The following PYGM variants were observed in gnomAD, a reference collection of about 807,000 sequenced individuals.
The protein encoded by PYGM is glycogen phosphorylase, muscle form.
In PYGM, 81 loss-of-function variants were observed where a neutral mutation model predicts 99.3. The observed-to-expected ratio is 0.82, with a 90% CI of 0.68 to 0.98. The LOEUF (loss-of-function observed/expected upper bound fraction) is 0.98, where lower values mean the gene tolerates loss of function less well. Ranked by LOEUF, PYGM falls within the 50% of genes least tolerant of loss-of-function variation. The pLI is 0.00. For missense variants in PYGM, 1,030 were observed against 1,158.1 expected (o/e 0.89, Z 1.61); for synonymous variants, 436 against 451.5 (o/e 0.97, Z 0.44).
intron 4 of PYGM, 74 bp from the exon 5 acceptor site, chr11:64,757,984 G>A: frequency 6.3e-7 from 1 of 1,596,334 alleles, no homozygotes; most frequent in South Asian, 1.1e-5. Context: ...GTGGGGCAGG[G>A]TGGGGGCCGT....
chr11:64,760,145 T>G, upstream of PYGM: 1 of 573,366 alleles, frequency 1.7e-6, no homozygotes, highest in Non-Finnish European at 3.0e-6. Flanking sequence ...AAGACTGGCC[T>G]GGCTTGTTCA....
At chr11:64,749,494 T>A (rs907285315) in intron 17 of PYGM, among the ~76,000 whole-genome samples, 8 of 151,492 alleles carry the variant, frequency 5.3e-5, no homozygotes, top group South Asian at 2.1e-4. Context: ...TGCAAAAAAT[T>A]AGCCAGGCGT....
At chr11:64,756,549 C>T (rs2058395579) in intron 5 of PYGM, among the ~76,000 whole-genome samples, 1 of 152,194 alleles carries the variant, frequency 6.6e-6, no homozygotes, top group Admixed American at 6.5e-5. Flanking sequence ...CTCCTGGATT[C>T]AAGCGATTCT....
Position 64,755,390 on chromosome 11 carries a change from C to A in PYGM, c.773-35G>T. On this transcript the variant is annotated intron_variant, in intron 6 of 19. Coordinates refer to ENST00000164139, the MANE Select transcript of PYGM (RefSeq NM_005609.4). This position sits in a 1 kb window ranked among gnomAD's most constrained non-coding sequence, Gnocchi z 4.1. ...AAAAGTGGGGACAGGGTAAGGCCTG[C>A]GCTGGGCGTGGCCGGCGGGCAAGCT... is the stretch of plus-strand genomic sequence containing the variant. 5.0e-6 allele frequency: 8 copies of A among 1,612,610 alleles called. No homozygotes were observed. The highest frequency in any genetic ancestry group is 5.9e-6 in the Non-Finnish European group (7 of 1,178,590).
Position 64,746,449 on chromosome 11 carries a change from T to G in PYGM, c.*210A>C. The G allele has an allele frequency of 1.5e-6, 1 of 652,246 alleles. No homozygotes were observed. Among genetic ancestry groups the G allele is most frequent in the Non-Finnish European group, 2.6e-6 (1 of 377,958 alleles). 40.4% of individuals were successfully genotyped at this position (652,246 alleles called of 1,614,324 possible). A position where few individuals can be genotyped will look rare whatever the true frequency, so the allele number is the denominator to read the frequency against. ...AGTGGGTGCAGTTGGTCAGACCCCA[T>G]AAATAGGAGGGGACCGGGAGCCCGA... On this transcript the variant is annotated 3_prime_UTR_variant, in exon 20 of 20. Transcript: ENST00000164139.
Position 64,758,658 on chromosome 11 carries a change from T to C in PYGM, c.290A>G (p.Gln97Arg). ...SLEFYMGRTL[Q>R]NTMVNLALEN... is the part of the protein sequence containing the mutation. ...TAAGGCCAGGTTCACCATGGTGTTC[T>C]GTAGCGTCCGTCCCATATAGAACTC... Residue 97 changes from glutamine to arginine, a missense_variant, in exon 2 of 20, where the codon CAG becomes CGG. Transcript: ENST00000164139. 1 of 1,613,554 alleles carries C rather than the reference T, an allele frequency of 6.2e-7. No individual in the cohort carries two copies. The highest frequency in any genetic ancestry group is 8.5e-7 in the Non-Finnish European group (1 of 1,179,492).
chr11:64,752,136 A>G, intron 13 of PYGM, 65 bp from the exon 14 acceptor site: 1 of 1,608,332 alleles, frequency 6.2e-7, no homozygotes, highest in Non-Finnish European at 8.5e-7. Context: ...TACAGTCCAC[A>G]CTCCAGTCAG....
intron 15 of PYGM, 32 bp downstream of exon 15, chr11:64,751,564 AC>A: frequency 6.2e-7 from 1 of 1,614,026 alleles, no homozygotes; most frequent in Non-Finnish European, 8.5e-7. Context: ...ATATCAAAGG[AC>A]GGGAGCCCAG....
chr11:64,749,854 G>A (rs474006), intron 17 of PYGM, among the ~76,000 whole-genome samples: 24 of 146,496 alleles, frequency 1.6e-4, no homozygotes, highest in Non-Finnish European at 2.8e-4. Flanking sequence ...GCGCAGTGGC[G>A]CGATCTCGGC....
chr11:64,758,984 G>A (rs1032562526), intron 1 of PYGM, among the ~76,000 whole-genome samples: 1 of 774 alleles, frequency 1.3e-3, no homozygotes, highest in South Asian at 0.25. Flanking sequence ...GTACTCGGGA[G>A]AATGGGCACC....
Position 64,758,702 on chromosome 11 carries a change from C to A in PYGM, c.246G>T (p.Arg82Ser). 1 of 1,601,664 alleles carries A rather than the reference C, an allele frequency of 6.2e-7. No individual in the cohort carries two copies. Among genetic ancestry groups the A allele is most frequent in the Non-Finnish European group, 8.6e-7 (1 of 1,168,824 alleles). Residue 82 changes from arginine (R) to serine (S), a missense_variant and splice_region_variant, in exon 2 of 20, where the codon AGG becomes AGT. By Grantham distance (110) the Arg-to-Ser change is moderately radical (BLOSUM62 -1). Transcript: ENST00000164139. ...QQHYYEKDPK[R>S]IYYLSLEFYM... ...AGAACTCTAAAGACAGGTAGTAGATCCTCTGCCCAGAGAGACGGATGGGCA... is the reference window on the plus strand; with the variant it reads ...AGAACTCTAAAGACAGGTAGTAGATACTCTGCCCAGAGAGACGGATGGGCA...
In PYGM at chr11:64,758,702, C is replaced by T; in HGVS notation, c.246G>A (p.Arg82=). The T allele has an allele frequency of 6.2e-7, 1 of 1,601,664 alleles. No homozygotes were observed. The highest frequency in any genetic ancestry group is 8.6e-7 in the Non-Finnish European group (1 of 1,168,824). Residue 82 remains arginine, a splice_region_variant and synonymous_variant, in exon 2 of 20, where the codon AGG becomes AGA. Transcript: ENST00000164139. ...AGAACTCTAAAGACAGGTAGTAGAT[C>T]CTCTGCCCAGAGAGACGGATGGGCA... is the stretch of plus-strand genomic sequence containing the variant. The part of the protein sequence containing the change: ...QQHYYEKDPK[R]IYYLSLEFYM...
intron 17 of PYGM, among the ~76,000 whole-genome samples, chr11:64,749,736 C>G (rs2058340580): frequency 6.6e-6 from 1 of 152,072 alleles, no homozygotes; most frequent in African/African-American, 2.4e-5. Context: ...GACCATAGGC[C>G]CCTTGTAACT....
At position 64,753,519 on chromosome 11, in the gene PYGM, A is replaced by T; in HGVS notation, c.1403T>A (p.Ile468Asn). 6.3e-7 allele frequency: 1 copy of T among 1,588,074 alleles called. No individual in the cohort carries two copies. The highest frequency in any genetic ancestry group is 1.1e-5 in the South Asian group (1 of 88,810). Residue 468 changes from isoleucine (I) to asparagine (N), a missense_variant and splice_region_variant, in exon 11 of 20, where the codon ATC becomes AAC. Physicochemically the swap from Ile to Asn is moderately radical, Grantham distance 149. Coordinates refer to ENST00000164139, the MANE Select transcript of PYGM (RefSeq NM_005609.4). ...GCGGGATCTGGAAAGCGGGGCTCACATGGTCTTCTTGAGGATCTCGGAGTG... is the reference window on the plus strand; with the variant it reads ...GCGGGATCTGGAAAGCGGGGCTCACTTGGTCTTCTTGAGGATCTCGGAGTG... ...RIHSEILKKT[I>N]FKDFYELEPH...
At chr11:64,751,786 G>T in intron 14 of PYGM, 131 bp from the exon 15 acceptor site, 3 of 1,513,312 alleles carry the variant, frequency 2.0e-6, no homozygotes, top group Non-Finnish European at 2.7e-6. Context: ...GCCTCAGTTT[G>T]CCCATCTGTG....
At chr11:64,760,543 G>C (rs547746168), upstream of PYGM, among the ~76,000 whole-genome samples, 5 of 152,336 alleles carry the variant, frequency 3.3e-5, no homozygotes, top group Admixed American at 3.3e-4. Flanking sequence ...GTCCCTCAAG[G>C]AGCCCTGAAG....
chr11:64,753,926 G>A lies in PYGM; in HGVS notation c.1192C>T (p.Pro398Ser). Residue 398 changes from proline (P) to serine (S), a missense_variant, in exon 10 of 20, where the codon CCG becomes TCG. By Grantham distance (74) the Pro-to-Ser change is moderately conservative. Transcript: ENST00000164139. ...WPVHLLETLL[P>S]RHLQIIYEIN... ...TCGTAGATGATCTGGAGGTGCCGCGGCAGCAGCGTCTCCAAGAGGTGCACC... is the reference window on the plus strand; with the variant it reads ...TCGTAGATGATCTGGAGGTGCCGCGACAGCAGCGTCTCCAAGAGGTGCACC... 6.3e-7 allele frequency: 1 copy of A among 1,595,140 alleles called. No individual in the cohort carries two copies. Among genetic ancestry groups the A allele is most frequent in the Admixed American group, 1.7e-5 (1 of 57,518 alleles).
At chr11:64,758,045 C>G in intron 4 of PYGM, 135 bp from the exon 5 acceptor site, 1 of 1,446,906 alleles carries the variant, frequency 6.9e-7, no homozygotes, top group Non-Finnish European at 9.5e-7. Flanking sequence ...GAGGTGGGCC[C>G]CTGGTCTGCT....
In PYGM at chr11:64,751,461, T is replaced by G. The variant is rs1313973156; in HGVS notation, c.1833A>C (p.Ala611=). The change falls in exon 16 of 20, where the codon GCA becomes GCC. Residue 611 remains alanine, a synonymous_variant. Transcript: ENST00000164139. ...PRTVMIGGKA[A]PGYHMAKMII... Reference sequence around the variant, plus strand: ...TCATCTTGGCCATGTGGTACCCAGGTGCAGCCTGAGGGGACAAAGTCTGGG... The same window carrying G: ...TCATCTTGGCCATGTGGTACCCAGGGGCAGCCTGAGGGGACAAAGTCTGGG... 1.2e-6 allele frequency: 2 copies of G among 1,614,106 alleles called. No homozygotes were observed. The highest frequency in any genetic ancestry group is 1.7e-5 in the Admixed American group (1 of 60,022).
Sources: allele counts gnomAD v4.1 joint callset (sites outside exome capture counted in the v4.1 genomes callset), GRCh38; gene constraint gnomAD v4.1.1; non-coding constraint Gnocchi (gnomAD v3.1); transcripts MANE v1.5; gene names NCBI Gene and HGNC (gene_info 2026-07-23, HGNC 2026-07-21).